The following CDK8 variants were observed in gnomAD, a reference collection of about 807,000 sequenced individuals.
The protein encoded by CDK8 is cyclin-dependent kinase 8.
In CDK8, 29 loss-of-function variants were observed where a neutral mutation model predicts 71.5. The ratio of observed to expected loss-of-function variants is 0.41; its 90% CI spans 0.30 to 0.55. The LOEUF (loss-of-function observed/expected upper bound fraction) is 0.55, where lower values mean the gene tolerates loss of function less well. Among genes scored for constraint, CDK8 ranks in the 20% least tolerant of loss-of-function variants. CDK8 has a pLI of 0.37. For missense variants in CDK8, 288 were observed against 572.6 expected (o/e 0.50, Z 5.07); for synonymous variants, 161 against 192.1 (o/e 0.84, Z 1.34).
At chr13:26,350,000 A>G (rs915317028) in intron 3 of CDK8, among the ~76,000 whole-genome samples, 2 of 152,170 alleles carry the variant, frequency 1.3e-5, no homozygotes, top group Non-Finnish European at 2.9e-5. Context: ...TTGTGTCACA[A>G]TTGCCTTCCT....
intron 1 of CDK8, among the ~76,000 whole-genome samples, chr13:26,284,771 AAGCCAGTATC>A: frequency 6.6e-6 from 1 of 152,078 alleles, no homozygotes; most frequent in Non-Finnish European, 1.5e-5. Flanking sequence ...TAAGTCTTTG[AAGCCAGTATC>A]ACCCTAATAC....
At chr13:26,322,619 G>T (rs1285904369) in intron 1 of CDK8, among the ~76,000 whole-genome samples, 8 of 152,156 alleles carry the variant, frequency 5.3e-5, no homozygotes, top group African/African-American at 1.4e-4. Flanking sequence ...CTATTAGGCA[G>T]CCAAGGTGAG....
intron 2 of CDK8, among the ~76,000 whole-genome samples, chr13:26,342,231 C>A (rs1171268896): frequency 6.6e-6 from 1 of 152,170 alleles, no homozygotes; most frequent in Non-Finnish European, 1.5e-5. Flanking sequence ...AATATTTTAA[C>A]ACAAAATCTT....
chr13:26,292,486 T>C (rs1476167904), intron 1 of CDK8, among the ~76,000 whole-genome samples: 1 of 151,914 alleles, frequency 6.6e-6, no homozygotes, highest in Non-Finnish European at 1.5e-5. Flanking sequence ...GGAGAGAGAG[T>C]GGAGGGTCTG....
intron 2 of CDK8, among the ~76,000 whole-genome samples, chr13:26,345,561 TTAG>T (rs2137986433): frequency 6.6e-6 from 1 of 152,204 alleles, no homozygotes; most frequent in Admixed American, 6.5e-5. Flanking sequence ...TTTTGTATTT[TTAG>T]TAGAGATGGG....
intron 10 of CDK8, 120 bp downstream of exon 10, chr13:26,400,670 G>A (rs1341821429): frequency 1.5e-5 from 10 of 688,778 alleles, no homozygotes; most frequent in Non-Finnish European, 2.3e-5. Context: ...AATCCTTTAT[G>A]ACAAGCAAAA....
chr13:26,304,714 G>GT (rs1289334966), intron 1 of CDK8, among the ~76,000 whole-genome samples: 2 of 152,026 alleles, frequency 1.3e-5, no homozygotes, highest in Non-Finnish European at 2.9e-5. Context: ...AGAGTTCACT[G>GT]TAAACTTGAA....
intron 12 of CDK8, among the ~76,000 whole-genome samples, chr13:26,402,121 A>G (rs1566001322): frequency 6.6e-6 from 1 of 152,242 alleles, no homozygotes; most frequent in African/African-American, 2.4e-5. Flanking sequence ...TGTAGACTGG[A>G]TAATGATCAA....
At chr13:26,330,766 T>A (rs1206125767) in intron 1 of CDK8, among the ~76,000 whole-genome samples, 3 of 152,176 alleles carry the variant, frequency 2.0e-5, no homozygotes, top group African/African-American at 7.2e-5. Context: ...ATGACATGAT[T>A]TCCTTCTTTG....
intron 4 of CDK8, among the ~76,000 whole-genome samples, chr13:26,376,270 G>A (rs1874944874): frequency 6.6e-6 from 1 of 152,106 alleles, no homozygotes; most frequent in Admixed American, 6.5e-5. Context: ...AAAGCTAAAA[G>A]TTTTCGATAC....
At chr13:26,270,516 C>A (rs574194638) in intron 1 of CDK8, among the ~76,000 whole-genome samples, 1 of 152,118 alleles carries the variant, frequency 6.6e-6, no homozygotes, top group Non-Finnish European at 1.5e-5. Context: ...AAAGAAACCC[C>A]GTACCCATTA....
intron 1 of CDK8, among the ~76,000 whole-genome samples, chr13:26,296,119 G>A (rs1043653103): frequency 3.3e-5 from 5 of 152,128 alleles, no homozygotes; most frequent in African/African-American, 7.2e-5. Flanking sequence ...TATCCCATCC[G>A]AAGAGCTCAC....
Position 26,381,120 on chromosome 13 carries a change from G to T in CDK8, c.457-1694G>T, listed in dbSNP as rs569649669. 1.5e-4 allele frequency among the ~76,000 whole-genome samples: 23 copies of T among 152,308 alleles called. No individual in the cohort carries two copies. In the South Asian group the frequency reaches 4.8e-3, roughly 32 times the overall value. ...AAAGAATAGGGAGTGTATTCAACAG[G>T]TGTTTAGGGAGTCCTGCTCTGAAGA... On this transcript the variant is annotated intron_variant, in intron 4 of 12. Coordinates refer to ENST00000381527, the MANE Select transcript of CDK8 (RefSeq NM_001260.3).
At chr13:26,366,874 G>C (rs988896319) in intron 4 of CDK8, among the ~76,000 whole-genome samples, 7 of 151,890 alleles carry the variant, frequency 4.6e-5, no homozygotes, top group African/African-American at 1.4e-4. Context: ...ATCATTTTTT[G>C]TTTTCCCTAA....
At chr13:26,324,713 T>C (rs1483272738) in intron 1 of CDK8, 2 of 274,602 alleles carry the variant, frequency 7.3e-6, no homozygotes, top group Non-Finnish European at 1.1e-5. Context: ...TTATAAATGA[T>C]CAATGTCAAA....
At chr13:26,337,492 T>C in intron 1 of CDK8, 75 bp from the exon 2 acceptor site, 1 of 546,808 alleles carries the variant, frequency 1.8e-6, no homozygotes, top group Non-Finnish European at 3.0e-6. Flanking sequence ...GATTTATATT[T>C]ATTTATATTT....
chr13:26,289,210 A>G lies in CDK8; in HGVS notation c.128+34441A>G, dbSNP rs9581623. Among the ~76,000 whole-genome samples, 1,030 of 151,950 alleles carry G rather than the reference A, an allele frequency of 6.8e-3. 8 individuals are homozygous for G. The highest frequency in any genetic ancestry group is 0.024 in the Middle Eastern group (7 of 290). On this transcript the variant is annotated intron_variant, in intron 1 of 12. Coordinates refer to ENST00000381527, the MANE Select transcript of CDK8 (RefSeq NM_001260.3). ...GCTGGGACTACAGGCGCATGCCACCATGCCCAGCTAATTTTTGTATTTTTA... is the reference window on the plus strand; with the variant it reads ...GCTGGGACTACAGGCGCATGCCACCGTGCCCAGCTAATTTTTGTATTTTTA...
At position 26,401,423 on chromosome 13, in the gene CDK8, T is replaced by C. The variant is rs1292043704; in HGVS notation, c.1111-43T>C. On this transcript the variant is annotated intron_variant, in intron 11 of 12. Coordinates refer to ENST00000381527, the MANE Select transcript of CDK8 (RefSeq NM_001260.3). The surrounding 1 kb of genome is among the most constrained non-coding windows in gnomAD (Gnocchi z 4.5). ...AACATTTTCCATTGTGGGTATATTT[T>C]GTTCTCCCTCTGAGCTGAACTTTTT... 3 of 1,613,722 alleles carry C rather than the reference T, an allele frequency of 1.9e-6. No homozygotes were observed. In the African/African-American group the frequency reaches 4.0e-5, roughly 22 times the overall value.
At chr13:26,322,164 G>A (rs1276326926) in intron 1 of CDK8, among the ~76,000 whole-genome samples, 2 of 152,126 alleles carry the variant, frequency 1.3e-5, no homozygotes, top group African/African-American at 2.4e-5. Context: ...CAACTATTGG[G>A]AAATGACATG....
Sources: allele counts gnomAD v4.1 joint callset (sites outside exome capture counted in the v4.1 genomes callset), GRCh38; gene constraint gnomAD v4.1.1; non-coding constraint Gnocchi (gnomAD v3.1); transcripts MANE v1.5; gene names NCBI Gene and HGNC (gene_info 2026-07-23, HGNC 2026-07-21).